The following SNX14 variants were observed in gnomAD, a reference collection of about 807,000 sequenced individuals.
SNX14 encodes the protein sorting nexin 14.
SNX14 carries 93 observed loss-of-function variants against 133.8 expected under a neutral mutation model. The observed-to-expected ratio is 0.70, with a 90% CI of 0.59 to 0.83. The LOEUF (loss-of-function observed/expected upper bound fraction) is 0.83, where lower values mean the gene tolerates loss of function less well. Ranked by LOEUF, SNX14 falls within the 40% of genes least tolerant of loss-of-function variation. SNX14 has a pLI of 0.00. For synonymous variants in SNX14, 368 were observed against 365.6 expected, an observed-to-expected ratio of 1.01 and a Z score of -0.07; for missense variants, 945 against 1,094.9, an observed-to-expected ratio of 0.86 and a Z score of 1.93.
rs535170121 is a variant in SNX14, at chr6:85,540,129, T to C, written c.1449-1265A>G. ...GGTGTGTTCCATCGCACTTGACTAA[T>C]TTTTGTATTTTTAGCAGAGACAGGG... On this transcript the variant is annotated intron_variant, in intron 15 of 28. Coordinates refer to ENST00000314673, the MANE Select transcript of SNX14 (RefSeq NM_153816.6). Among the ~76,000 whole-genome samples the C allele has an allele frequency of 2.0e-5, 3 of 152,152 alleles. No individual in the cohort carries two copies. In the South Asian group the frequency reaches 6.2e-4, roughly 32 times the overall value.
chr6:85,540,437 G>A (rs1162603284), intron 15 of SNX14, among the ~76,000 whole-genome samples: 1 of 152,154 alleles, frequency 6.6e-6, no homozygotes, highest in Non-Finnish European at 1.5e-5. Context: ...AAACTCCTTG[G>A]AAAAGAATTC....
intron 14 of SNX14, among the ~76,000 whole-genome samples, chr6:85,542,568 G>T (rs1784118331): frequency 6.6e-6 from 1 of 151,002 alleles, no homozygotes; most frequent in East Asian, 2.0e-4. Context: ...CTAGTTTTTT[G>T]TATTTTTAGT....
intron 1 of SNX14, among the ~76,000 whole-genome samples, chr6:85,583,269 G>A (rs1380560327): frequency 2.0e-5 from 3 of 152,052 alleles, no homozygotes; most frequent in African/African-American, 7.2e-5. Flanking sequence ...AAAATAATAA[G>A]AGTTATTTAT....
At chr6:85,528,967 G>A (rs540713820) in intron 19 of SNX14, among the ~76,000 whole-genome samples, 8 of 150,956 alleles carry the variant, frequency 5.3e-5, no homozygotes, top group Non-Finnish European at 8.9e-5. Flanking sequence ...CAGGAGAATC[G>A]CTGGAACCTG....
chr6:85,517,971 T>C (rs748435148), intron 22 of SNX14, 37 bp downstream of exon 22: 1 of 1,585,660 alleles, frequency 6.3e-7, no homozygotes, highest in Non-Finnish European at 8.6e-7. Context: ...TGTTTATGAT[T>C]ATCATGTTAT....
chr6:85,568,623 G>A (rs977999191), intron 4 of SNX14: 8 of 152,090 alleles, frequency 5.3e-5, no homozygotes, highest in African/African-American at 1.9e-4. Flanking sequence ...TTGCAACATT[G>A]GGCAGTAACT....
chr6:85,549,683 T>C, intron 8 of SNX14, 40 bp downstream of exon 8: 1 of 1,544,552 alleles, frequency 6.5e-7, no homozygotes, highest in South Asian at 1.3e-5. Context: ...ACATATGGCA[T>C]GTTATGCAAA....
At chr6:85,572,426 T>G in intron 2 of SNX14, 52 bp from the exon 3 acceptor site, 1 of 1,333,732 alleles carries the variant, frequency 7.5e-7, no homozygotes, top group Non-Finnish European at 1.1e-6. Context: ...ACATAACATC[T>G]TTATTTAAAA....
intron 23 of SNX14, among the ~76,000 whole-genome samples, chr6:85,515,171 G>C (rs1365980820): frequency 1.3e-5 from 2 of 149,400 alleles, no homozygotes; most frequent in Non-Finnish European, 2.9e-5. Flanking sequence ...GGAGACTGAG[G>C]CAGGAGAATA....
Position 85,505,574 on chromosome 6 carries a change from C to A in SNX14, c.*393G>T. ...ATGTACAAAATAAAAAAAAGGAAAACCAATCTACTAAAATATATTAACTCT... is the reference window on the plus strand; with the variant it reads ...ATGTACAAAATAAAAAAAAGGAAAAACAATCTACTAAAATATATTAACTCT... On this transcript the variant is annotated 3_prime_UTR_variant, in exon 29 of 29. Transcript: ENST00000314673. 5.5e-6 allele frequency: 1 copy of A among 181,044 alleles called. No individual in the cohort carries two copies. 11.2% of individuals were successfully genotyped at this position (181,044 alleles called of 1,614,324 possible). A position where few individuals can be genotyped will look rare whatever the true frequency, so the allele number is the denominator to read the frequency against.
chr6:85,530,957 T>A (rs577266875), intron 18 of SNX14, among the ~76,000 whole-genome samples: 2 of 152,340 alleles, frequency 1.3e-5, no homozygotes, highest in Admixed American at 1.3e-4. Flanking sequence ...CATATTGTCC[T>A]AATTTAATAT....
intron 19 of SNX14, 132 bp from the exon 20 acceptor site, chr6:85,528,494 T>C: frequency 1.9e-6 from 1 of 515,286 alleles, no homozygotes; most frequent in South Asian, 6.6e-5. Flanking sequence ...CATTACTCTT[T>C]GAAAATCTTC....
At chr6:85,558,324 C>T (rs993056693) in intron 6 of SNX14, among the ~76,000 whole-genome samples, 6 of 152,114 alleles carry the variant, frequency 3.9e-5, no homozygotes, top group South Asian at 2.1e-4. Flanking sequence ...AGCTTCTTTA[C>T]GTGTTCTTTG....
At chr6:85,561,838 T>G (rs888648104) in intron 6 of SNX14, among the ~76,000 whole-genome samples, 4 of 151,868 alleles carry the variant, frequency 2.6e-5, no homozygotes, top group Non-Finnish European at 2.9e-5. Flanking sequence ...TTTTTTTTTT[T>G]CCTTTTTCTT....
Position 85,526,634 on chromosome 6 carries a change from T to C in SNX14, c.1996-397A>G, listed in dbSNP as rs115865365. ...ACTATTATTTCCAGTTTCTCAACTATAGAAAAAAATGATAGCATGATACAG... is the reference window on the plus strand; with the variant it reads ...ACTATTATTTCCAGTTTCTCAACTACAGAAAAAAATGATAGCATGATACAG... On this transcript the variant is annotated intron_variant, in intron 20 of 28. Transcript: ENST00000314673. 1.7e-3 allele frequency among the ~76,000 whole-genome samples: 256 copies of C among 152,296 alleles called. 1 individual carries two copies. The highest frequency in any genetic ancestry group is 3.1e-3 in the South Asian group (15 of 4,824).
chr6:85,511,558 T>C (rs542031199), intron 26 of SNX14, among the ~76,000 whole-genome samples: 1 of 152,360 alleles, frequency 6.6e-6, no homozygotes, highest in South Asian at 2.1e-4. Context: ...ATATTCTTTA[T>C]CAAGTTGAGG....
intron 24 of SNX14, 123 bp from the exon 25 acceptor site, chr6:85,514,357 A>C: frequency 6.9e-7 from 1 of 1,452,870 alleles, no homozygotes; most frequent in Non-Finnish European, 9.3e-7. Flanking sequence ...AGCAACTTTA[A>C]TATGATCAAG....
At chr6:85,521,501 C>G (rs1224523350) in intron 21 of SNX14, among the ~76,000 whole-genome samples, 1 of 151,982 alleles carries the variant, frequency 6.6e-6, no homozygotes, top group Non-Finnish European at 1.5e-5. Context: ...GTATTGTCTT[C>G]TAACTGAATT....
At chr6:85,512,956 A>C (rs956890106) in intron 26 of SNX14, among the ~76,000 whole-genome samples, 17 of 152,066 alleles carry the variant, frequency 1.1e-4, no homozygotes, top group Admixed American at 9.2e-4. Flanking sequence ...CAGACCAGAA[A>C]CTGGAAGTCA....
Sources: gnomAD v4.1 joint callset for allele counts (sites outside exome capture counted in the v4.1 genomes callset) on GRCh38, gnomAD v4.1.1 for gene constraint, MANE v1.5 for transcripts, NCBI Gene and HGNC (gene_info 2026-07-23, HGNC 2026-07-21) for gene names.